Variants in HS1BP3 observed in about 807,000 individuals in gnomAD.
HS1BP3 encodes the protein HCLS1-binding protein 3.
In HS1BP3, 32 loss-of-function variants were observed where a neutral mutation model predicts 33.5. The observed-to-expected ratio is 0.95, with a 90% confidence interval of 0.72 to 1.28. HS1BP3 has a LOEUF of 1.28. Ranked by LOEUF, HS1BP3 falls within the 50% of genes most tolerant of loss-of-function variation. HS1BP3 has a pLI of 0.00. For synonymous variants in HS1BP3, 187 were observed against 209.2 expected, an observed-to-expected ratio of 0.89 and a Z score of 0.92; for missense variants, 486 against 502.3, an observed-to-expected ratio of 0.97 and a Z score of 0.31.
At chr2:20,557,203 C>A (rs1441437352), downstream of HS1BP3, among the ~76,000 whole-genome samples, 2 of 152,188 alleles carry the variant, frequency 1.3e-5, no homozygotes, top group Non-Finnish European at 2.9e-5. Context: ...AATGCGATTC[C>A]CTTTTCTTGC....
Position 20,645,358 on chromosome 2 carries a change from C to A in HS1BP3, c.180G>T (p.Glu60Asp). Reference sequence around the variant, plus strand: ...GGCTCACCAAGAACTGGACGACATCCTCGGGCCTGTGCTTGGCCGACTTGA... The same window carrying A: ...GGCTCACCAAGAACTGGACGACATCATCGGGCCTGTGCTTGGCCGACTTGA... ...AAFKSAKHRPEDVVQFLVSKK... is the reference protein window; with the variant it reads ...AAFKSAKHRPDDVVQFLVSKK... Residue 60 changes from glutamate to aspartate, a missense_variant, in exon 2 of 7, where the codon GAG becomes GAT. Coordinates refer to ENST00000304031, the MANE Select transcript of HS1BP3 (RefSeq NM_022460.4). The A allele has an allele frequency of 6.2e-7, 1 of 1,613,844 alleles. No individual in the cohort carries two copies. The highest frequency in any genetic ancestry group is 8.5e-7 in the Non-Finnish European group (1 of 1,179,910).
downstream of HS1BP3, among the ~76,000 whole-genome samples, chr2:20,557,936 C>T (rs977094981): frequency 3.9e-5 from 6 of 152,212 alleles, no homozygotes; most frequent in African/African-American, 7.2e-5. Flanking sequence ...TGGTCTGACC[C>T]GGCAGGGTTT....
intron 5 of HS1BP3, among the ~76,000 whole-genome samples, chr2:20,566,583 G>A (rs966079825): frequency 1.3e-5 from 2 of 151,854 alleles, no homozygotes; most frequent in African/African-American, 4.8e-5. Flanking sequence ...TGAGGCCAGG[G>A]ATGGAGTTTG....
downstream of HS1BP3, among the ~76,000 whole-genome samples, chr2:20,617,225 C>A (rs986144935): frequency 6.6e-6 from 1 of 152,164 alleles, no homozygotes; most frequent in Non-Finnish European, 1.5e-5. Context: ...TGGCCCCATC[C>A]CCTCCCCACT....
In HS1BP3 at chr2:20,583,068, C is replaced by T. The variant is rs139382188; in HGVS notation, c.303-22553G>A. Reference sequence around the variant, plus strand: ...TCCACCCAGAACCAAGACCCTCAGCCACCCCCAGCCTCTGCTCAGGTCCTG... The same window carrying T: ...TCCACCCAGAACCAAGACCCTCAGCTACCCCCAGCCTCTGCTCAGGTCCTG... On this transcript the variant is annotated intron_variant, in intron 5 of 5. Coordinates refer to the HS1BP3 transcript ENST00000446825. 3.9e-3 allele frequency among the ~76,000 whole-genome samples: 594 copies of T among 152,340 alleles called. 4 individuals carry two copies. Among genetic ancestry groups the T allele is most frequent in the African/African-American group, 0.013 (545 of 41,572 alleles).
chr2:20,557,816 C>T (rs533091085), downstream of HS1BP3, among the ~76,000 whole-genome samples: 208 of 152,292 alleles, frequency 1.4e-3, no homozygotes, highest in South Asian at 8.5e-3. Flanking sequence ...CCTGCAGGGG[C>T]CAGGTGCCAA....
chr2:20,632,156 A>G (rs1394006306), intron 4 of HS1BP3, among the ~76,000 whole-genome samples: 1 of 152,226 alleles, frequency 6.6e-6, no homozygotes. Context: ...ATCAGCGTGT[A>G]TCTGAGCCTT....
intron 2 of HS1BP3, among the ~76,000 whole-genome samples, chr2:20,607,260 A>G (rs1324985197): frequency 6.6e-6 from 1 of 152,004 alleles, no homozygotes; most frequent in East Asian, 1.9e-4. Flanking sequence ...GGTTCAAGCA[A>G]TTCTCCTGCC....
At chr2:20,597,112 A>G (rs1693960182) in intron 3 of HS1BP3, among the ~76,000 whole-genome samples, 1 of 152,202 alleles carries the variant, frequency 6.6e-6, no homozygotes, top group Non-Finnish European at 1.5e-5. Flanking sequence ...TGTTTATGAC[A>G]TGGCCTCAGA....
chr2:20,572,479 C>A (rs1040673620), intron 5 of HS1BP3, among the ~76,000 whole-genome samples: 1 of 152,206 alleles, frequency 6.6e-6, no homozygotes, highest in African/African-American at 2.4e-5. Flanking sequence ...AGCATGATGT[C>A]GTGAAAAACC....
Position 20,564,273 on chromosome 2 carries a change from G to T in HS1BP3, c.303-3758C>A, listed in dbSNP as rs538944914. 1.1e-4 allele frequency among the ~76,000 whole-genome samples: 16 copies of T among 152,304 alleles called. 1 individual carries two copies. The South Asian group carries it at 2.7e-3, about 26-fold the overall frequency. On this transcript the variant is annotated intron_variant, in intron 5 of 5. Coordinates refer to the HS1BP3 transcript ENST00000446825. ...CGGGGAGCTCACCACCTCTCAGGTGGTCTACTGCAGGGTGGACGGCTGTGA... is the reference window on the plus strand; with the variant it reads ...CGGGGAGCTCACCACCTCTCAGGTGTTCTACTGCAGGGTGGACGGCTGTGA...
At chr2:20,567,607 C>A (rs983886264) in intron 5 of HS1BP3, among the ~76,000 whole-genome samples, 1 of 152,184 alleles carries the variant, frequency 6.6e-6, no homozygotes, top group Non-Finnish European at 1.5e-5. Context: ...CAGACACAGC[C>A]CCCGGCCACT....
chr2:20,599,390 C>T (rs991930532), intron 2 of HS1BP3, among the ~76,000 whole-genome samples: 5 of 152,226 alleles, frequency 3.3e-5, no homozygotes, highest in African/African-American at 1.2e-4. Context: ...GGCTCGTGCC[C>T]AGTTAGGGAC....
downstream of HS1BP3, among the ~76,000 whole-genome samples, chr2:20,617,331 G>T (rs1694450937): frequency 6.6e-6 from 1 of 152,182 alleles, no homozygotes; most frequent in Non-Finnish European, 1.5e-5. Flanking sequence ...AGGCAAATGG[G>T]TGGAGCCGGT....
Position 20,640,971 on chromosome 2 carries a change from A to G in HS1BP3, c.406+2T>C. On this transcript the variant is annotated splice_donor_variant, in intron 3 of 6. Coordinates refer to ENST00000304031, the MANE Select transcript of HS1BP3 (RefSeq NM_022460.4). LOFTEE classifies it high-confidence loss of function. Reference sequence around the variant, plus strand: ...AGGGACATGGGGCAGAGCCTTGGGTACCTAAGAACTCTAGCAGCTCTGGGC... The same window carrying G: ...AGGGACATGGGGCAGAGCCTTGGGTGCCTAAGAACTCTAGCAGCTCTGGGC... The G allele has an allele frequency of 2.5e-6, 4 of 1,614,002 alleles. No individual in the cohort carries two copies. The highest frequency in any genetic ancestry group is 3.4e-6 in the Non-Finnish European group (4 of 1,179,876).
chr2:20,584,173 A>C (rs1693626624), intron 5 of HS1BP3, among the ~76,000 whole-genome samples: 1 of 152,208 alleles, frequency 6.6e-6, no homozygotes, highest in African/African-American at 2.4e-5. Flanking sequence ...GGTATAGATA[A>C]CATGGAGTTG....
chr2:20,644,454 T>G (rs1695455754), intron 2 of HS1BP3, among the ~76,000 whole-genome samples: 2 of 152,226 alleles, frequency 1.3e-5, no homozygotes, highest in South Asian at 4.1e-4. Context: ...ATCTCAGGCC[T>G]GAGCTCGTCC....
chr2:20,596,713 T>C (rs1346348833), intron 3 of HS1BP3, among the ~76,000 whole-genome samples: 1 of 152,266 alleles, frequency 6.6e-6, no homozygotes, highest in Non-Finnish European at 1.5e-5. Context: ...GAGTGGTCCC[T>C]TCTTCCCCTT....
At chr2:20,610,315 A>G (rs1694293359) in intron 2 of HS1BP3, among the ~76,000 whole-genome samples, 1 of 152,136 alleles carries the variant, frequency 6.6e-6, no homozygotes, top group South Asian at 2.1e-4. Flanking sequence ...ATCCACCATG[A>G]GAGTATCATA....
Sources: allele counts gnomAD v4.1 joint callset (sites outside exome capture counted in the v4.1 genomes callset), GRCh38; gene constraint gnomAD v4.1.1; transcripts MANE v1.5; gene names NCBI Gene and HGNC (gene_info 2026-07-23, HGNC 2026-07-21).